The following APCDD1 variants were observed in gnomAD, a reference collection of about 807,000 sequenced individuals.
The protein encoded by APCDD1 is APC down-regulated 1.
APCDD1 carries 15 observed loss-of-function variants against 38.1 expected under a neutral mutation model. The observed-to-expected ratio is 0.39, with a 90% CI of 0.26 to 0.61. The LOEUF (loss-of-function observed/expected upper bound fraction) is 0.61, where lower values mean the gene tolerates loss of function less well. Among genes scored for constraint, APCDD1 ranks in the 20% least tolerant of loss-of-function variants. The pLI is 0.49. For synonymous variants in APCDD1, 261 were observed against 279.7 expected (o/e 0.93, Z 0.67); for missense variants, 647 against 696.2 (o/e 0.93, Z 0.79).
At chr18:10,459,411 T>A (rs1245227706) in intron 1 of APCDD1, among the ~76,000 whole-genome samples, 1 of 152,190 alleles carries the variant, frequency 6.6e-6, no homozygotes, top group African/African-American at 2.4e-5. Context: ...CTTTGCAACC[T>A]CTGGTTCAGC....
Position 10,485,736 on chromosome 18 carries a change from G to C in APCDD1, c.1049G>C (p.Gly350Ala). Residue 350 changes from glycine to alanine, a missense_variant, in exon 4 of 5, where the codon GGC becomes GCC. Physicochemically the swap from Gly to Ala is moderately conservative, Grantham distance 60. Coordinates refer to ENST00000355285, the MANE Select transcript of APCDD1 (RefSeq NM_153000.5). This position sits in a 1 kb window ranked among gnomAD's most constrained non-coding sequence, Gnocchi z 5.8. ...SIYARGRYSR[G>A]VLSSRVMGGT... ...TACGCCCGGGGCCGCTACAGCCGCG[G>C]CGTCCTCTCGTCCAGGGTCATGGGA... is the stretch of plus-strand genomic sequence containing the variant. The C allele has an allele frequency of 6.2e-7, 1 of 1,614,016 alleles. No homozygotes were observed. The highest frequency in any genetic ancestry group is 8.5e-7 in the Non-Finnish European group (1 of 1,180,036).
chr18:10,485,356 G>A lies in APCDD1; in HGVS notation c.775-106G>A, dbSNP rs902884064. 6.5e-5 allele frequency: 82 copies of A among 1,261,796 alleles called. No individual in the cohort carries two copies. The African/African-American group carries it at 9.7e-4, about 15-fold the overall frequency. The allele number at this position is 1,261,796 out of a possible 1,614,324, so 78.2% of individuals were successfully genotyped here. A position where few individuals can be genotyped will look rare whatever the true frequency, so the allele number is the denominator to read the frequency against. ...TTGGTTCTTGGTGTCGAGGTTGTCA[G>A]TGATGGTGATCTGGTGCCTGGTGAG... On this transcript the variant is annotated intron_variant, in intron 3 of 4. Transcript: ENST00000355285. This position sits in a 1 kb window ranked among gnomAD's most constrained non-coding sequence, Gnocchi z 5.8.
intron 3 of APCDD1, among the ~76,000 whole-genome samples, chr18:10,482,539 G>A (rs1177143432): frequency 6.6e-6 from 1 of 152,234 alleles, no homozygotes; most frequent in African/African-American, 2.4e-5. Flanking sequence ...TTCAGCATGT[G>A]CTGGGCTCAC....
At chr18:10,456,418 C>A (rs2030382611) in intron 1 of APCDD1, among the ~76,000 whole-genome samples, 1 of 152,140 alleles carries the variant, frequency 6.6e-6, no homozygotes, top group Admixed American at 6.5e-5. Flanking sequence ...AGCTGCCACA[C>A]ACACAAGAAA....
In APCDD1 at chr18:10,470,754, CAG is replaced by C. The variant is rs2030832127; in HGVS notation, c.243-773_243-772del. On this transcript the variant is annotated intron_variant, in intron 2 of 4. Coordinates refer to ENST00000355285, the MANE Select transcript of APCDD1 (RefSeq NM_153000.5). The surrounding 1 kb of genome is among the most constrained non-coding windows in gnomAD (Gnocchi z 4.1). ...TCAGCTAGTATATGTGAATGGCTGA[CAG>C]AGCCGTTTGTGAAATCCCTCAATTC... 1.3e-5 allele frequency among the ~76,000 whole-genome samples: 2 copies of C among 152,242 alleles called. No homozygotes were observed. The highest frequency in any genetic ancestry group is 2.9e-5 in the Non-Finnish European group (2 of 68,036).
At position 10,485,783 on chromosome 18, in the gene APCDD1, G is replaced by T; in HGVS notation, c.1096G>T (p.Val366Leu). The change falls in exon 4 of 5, where the codon GTG (valine) becomes TTG (leucine). Residue 366 changes from valine (V) to leucine (L), a missense_variant and splice_region_variant. Transcript: ENST00000355285. This position sits in a 1 kb window ranked among gnomAD's most constrained non-coding sequence, Gnocchi z 5.8. ...VMGGTEFVFKVNHMKVTPMDA... is the reference protein window; with the variant it reads ...VMGGTEFVFKLNHMKVTPMDA... ...GGGAGGCACCGAGTTCGTGTTCAAA[G>T]GTAGGATTCCCATCTCAAGTCCCAG... The T allele has an allele frequency of 1.2e-6, 2 of 1,612,124 alleles. No homozygotes were observed. The highest frequency in any genetic ancestry group is 2.2e-5 in the South Asian group (2 of 91,050).
chr18:10,460,797 G>A (rs948690694), intron 1 of APCDD1, among the ~76,000 whole-genome samples: 5 of 152,124 alleles, frequency 3.3e-5, no homozygotes, highest in Non-Finnish European at 1.5e-5. Context: ...ACACTGGCGT[G>A]CTTCCTTAGC....
At chr18:10,486,692 G>A (rs1053124921) in intron 4 of APCDD1, among the ~76,000 whole-genome samples, 1 of 116,446 alleles carries the variant, frequency 8.6e-6, no homozygotes, top group East Asian at 3.3e-4. Flanking sequence ...ATTTTTAAAA[G>A]GTTGCTTTTT....
rs2031285241 is a variant in APCDD1, at chr18:10,487,910, G to A, written c.1417G>A (p.Ala473Thr). ...LVQCASSSPR[A>T]EDLAEDSGSS... ...CCAGTGTGCCTCCTCTTCGCCGAGG[G>A]CAGAGGACCTCGCAGAAGACAGTGG... The change falls in exon 5 of 5, where the codon GCA becomes ACA. Residue 473 changes from alanine (A) to threonine (T), a missense_variant. Coordinates refer to ENST00000355285, the MANE Select transcript of APCDD1 (RefSeq NM_153000.5). The A allele has an allele frequency of 1.2e-6, 2 of 1,613,212 alleles. No homozygotes were observed. Among genetic ancestry groups the A allele is most frequent in the African/African-American group, 2.7e-5 (2 of 74,912 alleles).
intron 3 of APCDD1, among the ~76,000 whole-genome samples, chr18:10,473,255 A>T (rs1172060455): frequency 1.3e-5 from 2 of 152,130 alleles, no homozygotes; most frequent in East Asian, 3.9e-4. Flanking sequence ...GGCTCTTATT[A>T]TAATAATGAA....
intron 3 of APCDD1, among the ~76,000 whole-genome samples, chr18:10,484,188 A>T (rs2143560919): frequency 6.6e-6 from 1 of 152,338 alleles, no homozygotes; most frequent in South Asian, 2.1e-4. Flanking sequence ...GCAGATGAGG[A>T]ACGCAGAAAC....
intron 1 of APCDD1, among the ~76,000 whole-genome samples, chr18:10,455,334 G>T (rs2030351852): frequency 6.6e-6 from 1 of 152,228 alleles, no homozygotes; most frequent in African/African-American, 2.4e-5. Flanking sequence ...TCCAGAATCC[G>T]TTGCATCCAG....
At chr18:10,464,572 G>A (rs1287809554) in intron 1 of APCDD1, among the ~76,000 whole-genome samples, 1 of 152,118 alleles carries the variant, frequency 6.6e-6, no homozygotes, top group Non-Finnish European at 1.5e-5. Context: ...ACAGGCATGT[G>A]CCACTGTGCC....
chr18:10,463,696 A>T (rs952463570), intron 1 of APCDD1, among the ~76,000 whole-genome samples: 23 of 152,236 alleles, frequency 1.5e-4, no homozygotes, highest in Non-Finnish European at 2.1e-4. Context: ...GCAGTGGTGA[A>T]CTGAAGCCCT....
chr18:10,480,118 C>T lies in APCDD1; in HGVS notation c.775-5344C>T, dbSNP rs545797497. Among the ~76,000 whole-genome samples the T allele has an allele frequency of 1.6e-4, 24 of 152,156 alleles. No individual in the cohort carries two copies. The South Asian group carries it at 4.8e-3, about 30-fold the overall frequency. On this transcript the variant is annotated intron_variant, in intron 3 of 4. Coordinates refer to ENST00000355285, the MANE Select transcript of APCDD1 (RefSeq NM_153000.5). ...GCTTTAAATAGCCCTTTCTAAGATT[C>T]GGGGAAAGGGGATGCCGTGGAAGCC... is the stretch of plus-strand genomic sequence containing the variant.
At chr18:10,460,488 G>A (rs941783161) in intron 1 of APCDD1, among the ~76,000 whole-genome samples, 57 of 150,944 alleles carry the variant, frequency 3.8e-4, no homozygotes, top group African/African-American at 1.3e-3. Flanking sequence ...AGCCGAGATC[G>A]TGCCACTGCC....
intron 1 of APCDD1, 54 bp downstream of exon 1, chr18:10,455,093 G>GCCGCGGAGC (rs904230903): frequency 1.3e-6 from 2 of 1,543,846 alleles, no homozygotes; most frequent in East Asian, 2.5e-5. Flanking sequence ...CAGCCCGGGC[G>GCCGCGGAGC]CCGCGGAGCC....
rs755794564 is a variant in APCDD1, at chr18:10,470,238, TAAAC to T, written c.243-1288_243-1285del. On this transcript the variant is annotated intron_variant, in intron 2 of 4. Transcript: ENST00000355285. The surrounding 1 kb of genome is among the most constrained non-coding windows in gnomAD (Gnocchi z 4.1). ...ACTGTTGATGCTTAGATTAAAAAAT[TAAAC>T]AAAAGGGATCTTCTTTTCTAAACCT... 8.5e-5 allele frequency among the ~76,000 whole-genome samples: 13 copies of T among 152,286 alleles called. No individual in the cohort carries two copies. The highest frequency in any genetic ancestry group is 1.3e-4 in the Non-Finnish European group (9 of 68,006).
intron 3 of APCDD1, among the ~76,000 whole-genome samples, chr18:10,478,929 A>G (rs1195440998): frequency 6.6e-6 from 1 of 152,186 alleles, no homozygotes; most frequent in African/African-American, 2.4e-5. Flanking sequence ...GGCGCCCATC[A>G]TTTGTGATGA....
Sources: allele counts gnomAD v4.1 joint callset (sites outside exome capture counted in the v4.1 genomes callset), GRCh38; gene constraint gnomAD v4.1.1; non-coding constraint Gnocchi (gnomAD v3.1); transcripts MANE v1.5; gene names NCBI Gene and HGNC (gene_info 2026-07-23, HGNC 2026-07-21).